Variants in CTDSPL2 observed in about 807,000 individuals in gnomAD.
The protein encoded by CTDSPL2 is CTD small phosphatase like 2.
A neutral mutation model predicts 60.0 loss-of-function variants in CTDSPL2; 5 were observed. The observed-to-expected ratio is 0.08, with a 90% CI of 0.04 to 0.18. CTDSPL2 has a LOEUF of 0.18. Among genes scored for constraint, CTDSPL2 ranks in the 10% least tolerant of loss-of-function variants. The probability of loss-of-function intolerance (pLI) is 1.00; values close to 1 mark genes in which losing one functional copy is unlikely to be tolerated. For missense variants in CTDSPL2, 370 were observed against 548.8 expected (o/e 0.67, Z 3.26); for synonymous variants, 186 against 189.3 (o/e 0.98, Z 0.14).
At chr15:44,497,898 G>A (rs926346775) in intron 7 of CTDSPL2, among the ~76,000 whole-genome samples, 2 of 152,124 alleles carry the variant, frequency 1.3e-5, no homozygotes, top group African/African-American at 4.8e-5. Flanking sequence ...TCTGGAGGCT[G>A]AGGCACAAGA....
chr15:44,451,943 C>T (rs910849312), intron 1 of CTDSPL2, among the ~76,000 whole-genome samples: 1 of 152,174 alleles, frequency 6.6e-6, no homozygotes. Flanking sequence ...ACCTTGAACA[C>T]AGATCTCAGC....
At chr15:44,463,925 A>C (rs1477178649) in intron 2 of CTDSPL2, among the ~76,000 whole-genome samples, 1 of 152,228 alleles carries the variant, frequency 6.6e-6, no homozygotes, top group African/African-American at 2.4e-5. Context: ...GGTAACTTGC[A>C]GTGTCAATAG....
At chr15:44,437,473 TATC>T (rs2141269109) in intron 1 of CTDSPL2, among the ~76,000 whole-genome samples, 1 of 152,352 alleles carries the variant, frequency 6.6e-6, no homozygotes, top group African/African-American at 2.4e-5. Flanking sequence ...AATTGCTTGG[TATC>T]ATGGATTTTG....
intron 1 of CTDSPL2, among the ~76,000 whole-genome samples, chr15:44,453,399 A>T (rs1034582590): frequency 3.9e-5 from 6 of 152,014 alleles, no homozygotes; most frequent in Non-Finnish European, 1.5e-5. Context: ...TGAGATGATC[A>T]TGTGGATTTT....
At chr15:44,435,851 C>T (rs1384540278) in intron 1 of CTDSPL2, among the ~76,000 whole-genome samples, 1 of 152,042 alleles carries the variant, frequency 6.6e-6, no homozygotes, top group East Asian at 1.9e-4. Context: ...AAGTGGTCCA[C>T]CCGCCTCGGC....
chr15:44,436,702 A>AT (rs1173984161), intron 1 of CTDSPL2, among the ~76,000 whole-genome samples: 3 of 152,148 alleles, frequency 2.0e-5, no homozygotes, highest in African/African-American at 7.2e-5. Flanking sequence ...TGCATGTATT[A>AT]TTTTTTATAT....
intron 2 of CTDSPL2, among the ~76,000 whole-genome samples, chr15:44,481,232 G>T (rs556983704): frequency 7.4e-4 from 113 of 152,296 alleles, no homozygotes; most frequent in Admixed American, 1.4e-3. Context: ...TGAAGAGTAT[G>T]ATTTTACTGT....
chr15:44,476,343 G>A (rs2080915718), intron 2 of CTDSPL2, among the ~76,000 whole-genome samples: 1 of 152,048 alleles, frequency 6.6e-6, no homozygotes, highest in Admixed American at 6.6e-5. Context: ...TGGGATTACA[G>A]TCGCGAGCCA....
At chr15:44,506,412 C>CTTTTTTTTTTTTTTTTTTTTT (rs764238056) in intron 8 of CTDSPL2, among the ~76,000 whole-genome samples, 13 of 112,392 alleles carry the variant, frequency 1.2e-4, no homozygotes, top group East Asian at 9.1e-4. Flanking sequence ...CCTACTTTGA[C>CTTTTTTTTTTTTTTTTTTTTT]TTTTTTTTTT....
intron 1 of CTDSPL2, among the ~76,000 whole-genome samples, chr15:44,433,281 T>G (rs2079899306): frequency 6.8e-6 from 1 of 147,980 alleles, no homozygotes. Context: ...TGCCATCCAT[T>G]GCACTCCAGT....
rs992767436 is a variant in CTDSPL2, at chr15:44,521,544, G to A, written c.1335+138G>A. 15 of 491,480 alleles carry A rather than the reference G, an allele frequency of 3.1e-5. 1 individual carries two copies. The East Asian group carries it at 3.2e-4, about 10-fold the overall frequency. The allele number at this position is 491,480 out of a possible 1,614,324, so 30.4% of individuals were successfully genotyped here. A position where few individuals can be genotyped will look rare whatever the true frequency, so the allele number is the denominator to read the frequency against. On this transcript the variant is annotated intron_variant, in intron 12 of 12. Transcript: ENST00000260327. Reference sequence around the variant, plus strand: ...CCAGGTCACAGGTGCCATCATAGGCGCCTGTAGTGCCAGCTACTTTAGAGT... The same window carrying A: ...CCAGGTCACAGGTGCCATCATAGGCACCTGTAGTGCCAGCTACTTTAGAGT...
At chr15:44,440,187 G>GTTTGTTTTTGTGTT (rs1555430092) in intron 1 of CTDSPL2, among the ~76,000 whole-genome samples, 8 of 148,808 alleles carry the variant, frequency 5.4e-5, no homozygotes, top group Non-Finnish European at 7.4e-5. Flanking sequence ...TTTTTTGTTT[G>GTTTGTTTTTGTGTT]TTTGTTTTTG....
intron 10 of CTDSPL2, among the ~76,000 whole-genome samples, chr15:44,517,919 T>G (rs1388601498): frequency 6.6e-6 from 1 of 152,250 alleles, no homozygotes; most frequent in Non-Finnish European, 1.5e-5. Context: ...GACTAAACTT[T>G]CCCGGGGCCA....
intron 1 of CTDSPL2, among the ~76,000 whole-genome samples, chr15:44,432,776 C>T (rs138304927): frequency 3.3e-4 from 50 of 150,566 alleles, no homozygotes; most frequent in Middle Eastern, 3.6e-3. Context: ...CCCGCTATCA[C>T]GCCTGGCTAA....
intron 10 of CTDSPL2, chr15:44,517,363 T>G (rs1483586090): frequency 6.6e-6 from 1 of 151,120 alleles, no homozygotes; most frequent in Non-Finnish European, 1.5e-5. Flanking sequence ...ACAAAAAAAA[T>G]TAGCTGGGCA....
Position 44,458,997 on chromosome 15 carries a change from A to C in CTDSPL2, c.-18A>C. ...TATTATTTTTCTCTTTTAGTTTTAC[A>C]TGTGGCACCCATAAAAGATGAGGCT... On this transcript the variant is annotated 5_prime_UTR_variant, in exon 2 of 13. The change abolishes an upstream ATG in the 5' untranslated region. Coordinates refer to ENST00000260327, the MANE Select transcript of CTDSPL2 (RefSeq NM_016396.3). The C allele has an allele frequency of 6.6e-7, 1 of 1,508,706 alleles. No individual in the cohort carries two copies. Among genetic ancestry groups the C allele is most frequent in the Non-Finnish European group, 8.8e-7 (1 of 1,130,004 alleles). The allele number at this position is 1,508,706 out of a possible 1,614,324, so 93.5% of individuals were successfully genotyped here. A position where few individuals can be genotyped will look rare whatever the true frequency, so the allele number is the denominator to read the frequency against.
intron 1 of CTDSPL2, among the ~76,000 whole-genome samples, chr15:44,450,747 C>T (rs1376744030): frequency 6.6e-6 from 1 of 151,728 alleles, no homozygotes; most frequent in East Asian, 1.9e-4. Flanking sequence ...AGGCGCCTGC[C>T]ACCATGTCCG....
At chr15:44,507,693 T>G (rs2081494135) in intron 8 of CTDSPL2, among the ~76,000 whole-genome samples, 1 of 152,230 alleles carries the variant, frequency 6.6e-6, no homozygotes, top group African/African-American at 2.4e-5. Context: ...TGAAACAGTT[T>G]GTTATCTCCC....
At chr15:44,494,935 A>T (rs991175785) in intron 5 of CTDSPL2, among the ~76,000 whole-genome samples, 1 of 152,074 alleles carries the variant, frequency 6.6e-6, no homozygotes, top group East Asian at 1.9e-4. Context: ...AAACAAAGAA[A>T]AAAACAGAAT....
Sources: gnomAD v4.1 joint callset for allele counts (sites outside exome capture counted in the v4.1 genomes callset) on GRCh38, gnomAD v4.1.1 for gene constraint, MANE v1.5 for transcripts, NCBI Gene and HGNC (gene_info 2026-07-23, HGNC 2026-07-21) for gene names.